The following VAV3 variants were observed in gnomAD, a reference collection of about 807,000 sequenced individuals.
VAV3 encodes vav guanine nucleotide exchange factor 3, also known as guanine nucleotide exchange factor VAV3.
Under a neutral mutation model 131.2 loss-of-function variants are expected in VAV3, and 94 were observed. The ratio of observed to expected loss-of-function variants is 0.72; its 90% CI spans 0.61 to 0.85. The LOEUF is 0.85. Ranked by LOEUF, VAV3 falls within the 40% of genes least tolerant of loss-of-function variation. The pLI is 0.00. For synonymous variants in VAV3, 349 were observed against 342.0 expected (o/e 1.02, Z -0.22); for missense variants, 939 against 1,002.7 (o/e 0.94, Z 0.86).
At chr1:107,606,820 T>A (rs1012023027) in intron 22 of VAV3, among the ~76,000 whole-genome samples, 7 of 147,946 alleles carry the variant, frequency 4.7e-5, no homozygotes, top group African/African-American at 1.7e-4. Context: ...TTTTTTTTTT[T>A]TTTTTTTTTA....
At position 107,655,741 on chromosome 1, in the gene VAV3, G is replaced by A. The variant is rs574353777; in HGVS notation, c.1778-12986C>T. 1.1e-4 allele frequency among the ~76,000 whole-genome samples: 17 copies of A among 152,190 alleles called. No individual in the cohort carries two copies. In the South Asian group the frequency reaches 2.3e-3, roughly 20 times the overall value. On this transcript the variant is annotated intron_variant, in intron 19 of 26. Transcript: ENST00000370056. The stretch of plus-strand genomic sequence containing the variant: ...AATTAATAACTAGAATACAGAAGGT[G>A]CTCAAACAACTAAGAAGAAACAAAT...
rs193257046 is a variant in VAV3, at chr1:107,709,464, C to G, written c.1503-4403G>C. On this transcript the variant is annotated intron_variant, in intron 15 of 26. Transcript: ENST00000370056. ...AAAAATTACCTCTTATGTGAAAGAA[C>G]ACTGAAGAAAAACATGATTCACTAA... 1.7e-4 allele frequency among the ~76,000 whole-genome samples: 26 copies of G among 152,208 alleles called. No homozygotes were observed. In the East Asian group the frequency reaches 4.8e-3, roughly 28 times the overall value.
intron 26 of VAV3, among the ~76,000 whole-genome samples, 156 bp from the exon 27 acceptor site, chr1:107,573,528 C>T (rs111733432): frequency 0.031 from 4,699 of 152,124 alleles, 249 homozygotes; most frequent in African/African-American, 0.11. Context: ...CTCTTAGAAG[C>T]CTAATAGAGT....
At chr1:107,860,295 A>AT (rs1244739920) in intron 2 of VAV3, among the ~76,000 whole-genome samples, 2 of 152,030 alleles carry the variant, frequency 1.3e-5, no homozygotes, top group Non-Finnish European at 2.9e-5. Context: ...TAATTTTTGT[A>AT]TTTTTTTGTA....
intron 15 of VAV3, among the ~76,000 whole-genome samples, chr1:107,726,689 C>T (rs548251524): frequency 6.6e-6 from 1 of 152,320 alleles, no homozygotes; most frequent in East Asian, 1.9e-4. Context: ...GACTACCAAC[C>T]TCGTTTCCTT....
chr1:107,631,313 T>C (rs573153258), intron 20 of VAV3, among the ~76,000 whole-genome samples: 176 of 152,156 alleles, frequency 1.2e-3, no homozygotes, highest in African/African-American at 4.2e-3. Context: ...AATGCAGGCA[T>C]AATACATGTT....
intron 19 of VAV3, among the ~76,000 whole-genome samples, chr1:107,646,542 T>A (rs1225911979): frequency 6.6e-6 from 1 of 152,114 alleles, no homozygotes; most frequent in Non-Finnish European, 1.5e-5. Context: ...AGAATATGAT[T>A]AAAATACTAA....
At position 107,805,133 on chromosome 1, in the gene VAV3, G is replaced by T. The variant is rs149893423; in HGVS notation, c.322-25641C>A. ...CCTTTGAGAGTTTATTATGCTTCTT[G>T]GTAAAGCCTTATTGGGGTTGAATCT... On this transcript the variant is annotated intron_variant, in intron 2 of 26. Transcript: ENST00000370056. Among the ~76,000 whole-genome samples, 463 of 152,020 alleles carry T rather than the reference G, an allele frequency of 3.0e-3. 5 individuals are homozygous for T. The highest frequency in any genetic ancestry group is 0.011 in the African/African-American group (439 of 41,462).
intron 8 of VAV3, among the ~76,000 whole-genome samples, chr1:107,765,667 G>A (rs1324747910): frequency 6.6e-6 from 1 of 152,124 alleles, no homozygotes. Flanking sequence ...AGGAAAACGA[G>A]AGACCTGAAC....
chr1:107,631,834 T>C (rs992542693), intron 20 of VAV3, among the ~76,000 whole-genome samples: 16 of 152,070 alleles, frequency 1.1e-4, no homozygotes, highest in Non-Finnish European at 1.5e-5. Context: ...TGCATAGTAT[T>C]TCATGGTGTA....
intron 2 of VAV3, among the ~76,000 whole-genome samples, chr1:107,852,455 G>A (rs1015652040): frequency 6.6e-6 from 1 of 152,122 alleles, no homozygotes; most frequent in Admixed American, 6.5e-5. Context: ...TAACATTTTG[G>A]CAAGCTTCCT....
intron 2 of VAV3, among the ~76,000 whole-genome samples, chr1:107,800,151 T>C (rs771819663): frequency 1.3e-5 from 2 of 152,190 alleles, no homozygotes; most frequent in South Asian, 2.1e-4. Flanking sequence ...ACACTAAACA[T>C]GGGAGTGCAG....
At chr1:107,926,148 G>A (rs1673149269) in intron 1 of VAV3, among the ~76,000 whole-genome samples, 1 of 152,022 alleles carries the variant, frequency 6.6e-6, no homozygotes, top group Admixed American at 6.6e-5. Context: ...CAGGCATGGT[G>A]GCAGGTGCGT....
At chr1:107,595,597 A>T (rs950254396) in intron 25 of VAV3, among the ~76,000 whole-genome samples, 1 of 152,212 alleles carries the variant, frequency 6.6e-6, no homozygotes, top group Non-Finnish European at 1.5e-5. Flanking sequence ...ATTATGTAAC[A>T]TTAAACGATG....
chr1:107,712,484 C>T (rs1359201816), intron 15 of VAV3, among the ~76,000 whole-genome samples: 1 of 152,092 alleles, frequency 6.6e-6, no homozygotes, highest in Non-Finnish European at 1.5e-5. Context: ...ATATGGGAAG[C>T]CACTATAACC....
chr1:107,800,022 A>G (rs950608184), intron 2 of VAV3, among the ~76,000 whole-genome samples: 17 of 152,258 alleles, frequency 1.1e-4, no homozygotes, highest in African/African-American at 4.1e-4. Flanking sequence ...AAATGACAGG[A>G]TGTCATTCTT....
intron 25 of VAV3, among the ~76,000 whole-genome samples, chr1:107,590,449 C>G (rs1431351978): frequency 2.0e-5 from 3 of 152,126 alleles, no homozygotes; most frequent in Non-Finnish European, 4.4e-5. Context: ...GAAATTAAGC[C>G]TATATACAAA....
chr1:107,573,993 ACTG>A, intron 26 of VAV3, 51 bp downstream of exon 26: 3 of 1,595,652 alleles, frequency 1.9e-6, no homozygotes, highest in Non-Finnish European at 2.6e-6. Context: ...GGTGCAAACA[ACTG>A]CTCAGTCCCC....
Position 107,768,455 on chromosome 1 carries a change from A to G in VAV3, c.703T>C (p.Phe235Leu). The G allele has an allele frequency of 6.2e-7, 1 of 1,612,280 alleles. No individual in the cohort carries two copies. The highest frequency in any genetic ancestry group is 8.5e-7 in the Non-Finnish European group (1 of 1,179,166). The change falls in exon 7 of 27, where the codon TTC (phenylalanine) becomes CTC (leucine). Residue 235 changes from phenylalanine to leucine, a missense_variant. Coordinates refer to ENST00000370056, the MANE Select transcript of VAV3 (RefSeq NM_006113.5). ...TTTTTACTCACAGGAATGTTGATGA[A>G]TACTGAATCAAATTCTGCTGCTGTC... is the stretch of plus-strand genomic sequence containing the variant. ...FLTAAEFDSV[F>L]INIPELVKLH...
Sources: allele counts gnomAD v4.1 joint callset (sites outside exome capture counted in the v4.1 genomes callset), GRCh38; gene constraint gnomAD v4.1.1; transcripts MANE v1.5; gene names NCBI Gene and HGNC (gene_info 2026-07-23, HGNC 2026-07-21).